EFNB1: variants seen among roughly 807,000 people sequenced by gnomAD.
The protein encoded by EFNB1 is ephrin B1.
Under a neutral mutation model 18.1 loss-of-function variants are expected in EFNB1, and 1 was observed. The observed-to-expected ratio is 0.06, with a 90% confidence interval of 0.02 to 0.26. EFNB1 has a LOEUF of 0.26. EFNB1 is among the 10% of genes least tolerant of loss of function. EFNB1 has a pLI of 1.00. For missense variants in EFNB1, 221 were observed against 301.8 expected, an observed-to-expected ratio of 0.73 and a Z score of 1.98; for synonymous variants, 131 against 127.5, an observed-to-expected ratio of 1.03 and a Z score of -0.19.
intron 1 of EFNB1, among the ~76,000 whole-genome samples, chrX:68,835,491 A>G (rs780262399): frequency 2.7e-5 from 3 of 111,140 alleles, no homozygotes; most frequent in Non-Finnish European, 5.7e-5. Flanking sequence ...CTAGTGTTCT[A>G]CCTAGCTTTG....
At chrX:68,835,360 G>C (rs970577683) in intron 1 of EFNB1, among the ~76,000 whole-genome samples, 2 of 111,496 alleles carry the variant, frequency 1.8e-5, no homozygotes, top group African/African-American at 3.3e-5. Flanking sequence ...GTCCTAGGGT[G>C]GGGGGAAGTA....
At chrX:68,838,331 C>T (rs756430348) in intron 1 of EFNB1, among the ~76,000 whole-genome samples, 37 of 110,438 alleles carry the variant, frequency 3.4e-4, no homozygotes, top group Admixed American at 1.4e-3. Flanking sequence ...CAGCCCCCTG[C>T]GGAAATGCCA....
At position 68,840,389 on chromosome X, in the gene EFNB1, C is replaced by T. The variant is rs1251392015; in HGVS notation, c.776C>T (p.Thr259Met). ...TTCCTGCTCATCATCATCTTCCTGA[C>T]GGTCCTACTACTGAAGCTACGCAAG... ...VIFLLIIIFL[T>M]VLLLKLRKRH... The change falls in exon 5 of 5, where the codon ACG becomes ATG. Residue 259 changes from threonine to methionine, a missense_variant. Coordinates refer to ENST00000204961, the MANE Select transcript of EFNB1 (RefSeq NM_004429.5). 11 of 1,210,560 alleles carry T rather than the reference C, an allele frequency of 9.1e-6. No homozygotes were observed. The highest frequency in any genetic ancestry group is 4.4e-5 in the Admixed American group (2 of 45,899).
rs939825619 is a variant in EFNB1 at position 68,841,796 on chromosome X, C to T, written c.*1142C>T. ...GAGGCTGCCTGGGGCTGGGCCAGCC[C>T]GCTGTGCACTTTGACCCCAGTTCCT... is the stretch of plus-strand genomic sequence containing the variant. On this transcript the variant is annotated 3_prime_UTR_variant, in exon 5 of 5. Transcript: ENST00000204961. 4 of 113,467 alleles carry T rather than the reference C, an allele frequency of 3.5e-5. No homozygotes were observed. Among genetic ancestry groups the T allele is most frequent in the Admixed American group, 9.2e-5 (1 of 10,848 alleles). 9.4% of individuals were successfully genotyped at this position (113,467 alleles called of 1,213,427 possible). A position where few individuals can be genotyped will look rare whatever the true frequency, so the allele number is the denominator to read the frequency against.
intron 2 of EFNB1, 147 bp downstream of exon 2, chrX:68,839,041 T>C: frequency 2.4e-6 from 2 of 832,608 alleles, no homozygotes; most frequent in Non-Finnish European, 3.4e-6. Flanking sequence ...ACTGGCATGT[T>C]CTCCTCTTAG....
At chrX:68,839,011 G>T in intron 2 of EFNB1, 117 bp downstream of exon 2, 1 of 969,442 alleles carries the variant, frequency 1.0e-6, no homozygotes. Context: ...AGACCCTGCT[G>T]GATCTGATCC....
chrX:68,839,207 G>C (rs1391176316), intron 2 of EFNB1, among the ~76,000 whole-genome samples: 1 of 112,381 alleles, frequency 8.9e-6, no homozygotes, highest in Non-Finnish European at 1.9e-5. Flanking sequence ...GGCCCTTTGG[G>C]ATCAGCCAGC....
At chrX:68,832,751 C>T (rs1169675343) in intron 1 of EFNB1, among the ~76,000 whole-genome samples, 2 of 110,292 alleles carry the variant, frequency 1.8e-5, no homozygotes, top group African/African-American at 3.3e-5. Context: ...GCCCCATGAG[C>T]GCAAGGTGGG....
rs781238120 is a variant in EFNB1, at chrX:68,840,560, A to G, written c.947A>G (p.His316Arg). 2.6e-5 allele frequency: 31 copies of G among 1,211,393 alleles called. No individual in the cohort carries two copies. The highest frequency in any genetic ancestry group is 2.3e-4 in the Middle Eastern group (1 of 4,354). Residue 316 changes from histidine (H) to arginine (R), a missense_variant, in exon 5 of 5, where the codon CAC becomes CGC. Transcript: ENST00000204961. ...ACTACAGAGAACAACTACTGCCCCCACTATGAGAAGGTGAGTGGGGACTAC... is the reference window on the plus strand; with the variant it reads ...ACTACAGAGAACAACTACTGCCCCCGCTATGAGAAGGTGAGTGGGGACTAC... ...LRTTENNYCP[H>R]YEKVSGDYGH...
Position 68,829,550 on chromosome X carries a change from G to A in EFNB1, c.-227G>A, listed in dbSNP as rs2080438112. The A allele has an allele frequency of 4.1e-6, 2 of 490,926 alleles. No homozygotes were observed. Among genetic ancestry groups the A allele is most frequent in the Middle Eastern group, 1.2e-3 (2 of 1,622 alleles). 40.5% of individuals were successfully genotyped at this position (490,926 alleles called of 1,213,427 possible). On this transcript the variant is annotated 5_prime_UTR_variant, in exon 1 of 5. Transcript: ENST00000204961. ...AGAGCCCAGGAGAACGAGCCCTCGGGGGCCGAAGCCCATGCCCGGGTTGGG... is the reference window on the plus strand; with the variant it reads ...AGAGCCCAGGAGAACGAGCCCTCGGAGGCCGAAGCCCATGCCCGGGTTGGG...
chrX:68,831,289 CT>C (rs1449667578), intron 1 of EFNB1, among the ~76,000 whole-genome samples: 1 of 111,019 alleles, frequency 9.0e-6, no homozygotes, highest in East Asian at 2.8e-4. Flanking sequence ...GAGAAGGCAG[CT>C]TTAGTTTTCT....
At chrX:68,833,289 T>C (rs1036970218) in intron 1 of EFNB1, among the ~76,000 whole-genome samples, 6 of 111,595 alleles carry the variant, frequency 5.4e-5, no homozygotes, top group African/African-American at 1.6e-4. Flanking sequence ...TTGTGGCTGA[T>C]TGGCCACAGG....
chrX:68,837,715 C>T (rs1237803052), intron 1 of EFNB1, among the ~76,000 whole-genome samples: 1 of 112,302 alleles, frequency 8.9e-6, no homozygotes, highest in East Asian at 2.8e-4. Flanking sequence ...GGCATTTGTC[C>T]ATCTCCTCTC....
chrX:68,829,666 G>A lies in EFNB1; in HGVS notation c.-111G>A. The A allele has an allele frequency of 8.9e-7, 1 of 1,127,829 alleles. No individual in the cohort carries two copies. Among genetic ancestry groups the A allele is most frequent in the Non-Finnish European group, 1.2e-6 (1 of 847,408 alleles). The allele number at this position is 1,127,829 out of a possible 1,213,427, so 92.9% of individuals were successfully genotyped here. A position where few individuals can be genotyped will look rare whatever the true frequency, so the allele number is the denominator to read the frequency against. On this transcript the variant is annotated 5_prime_UTR_variant, in exon 1 of 5. Transcript: ENST00000204961. The stretch of plus-strand genomic sequence containing the variant: ...GGGGAGCACTTCAAGGCCGGCGGCT[G>A]CGGAGGATGGGCGCCTGAGCGGCTC...
chrX:68,839,009 C>A, intron 2 of EFNB1, 115 bp downstream of exon 2: 1 of 983,746 alleles, frequency 1.0e-6, no homozygotes, highest in East Asian at 3.3e-5. Flanking sequence ...TAAGACCCTG[C>A]TGGATCTGAT....
chrX:68,840,798 T>A lies in EFNB1; in HGVS notation c.*144T>A, dbSNP rs1400986394. On this transcript the variant is annotated 3_prime_UTR_variant, in exon 5 of 5. Coordinates refer to ENST00000204961, the MANE Select transcript of EFNB1 (RefSeq NM_004429.5). ...TCTTGGCTTTTATAATCCCCCTTTT[T>A]CCCTGCCCCCTGGGCTTCGGAGGGG... is the stretch of plus-strand genomic sequence containing the variant. 2.0e-5 allele frequency: 14 copies of A among 696,640 alleles called. No homozygotes were observed. The South Asian group carries it at 3.3e-4, about 17-fold the overall frequency. 57.4% of individuals were successfully genotyped at this position (696,640 alleles called of 1,213,427 possible).
intron 1 of EFNB1, 35 bp from the exon 2 acceptor site, chrX:68,838,582 A>G (rs774333672): frequency 1.7e-6 from 2 of 1,208,922 alleles, no homozygotes; most frequent in Non-Finnish European, 2.2e-6. Flanking sequence ...GCCACCCCCA[A>G]CCCTGAGGCT....
intron 1 of EFNB1, among the ~76,000 whole-genome samples, chrX:68,836,563 A>G (rs1480457684): frequency 8.9e-6 from 1 of 112,046 alleles, no homozygotes; most frequent in African/African-American, 3.2e-5. Flanking sequence ...CTTGGGTATC[A>G]TTTCCCTCCC....
In EFNB1 at chrX:68,840,259, G is replaced by A; in HGVS notation, c.646G>A (p.Glu216Lys). Reference protein sequence around the residue: ...DGKHETVNQEEKSGPGASGGS... With the variant: ...DGKHETVNQEKKSGPGASGGS... The stretch of plus-strand genomic sequence containing the variant: ...TTCCTCAGAGACTGTGAACCAGGAA[G>A]AGAAGAGTGGCCCAGGTGCAAGTGG... Residue 216 changes from glutamate to lysine, a missense_variant, in exon 5 of 5, where the codon GAG (glutamate) becomes AAG (lysine). By Grantham distance (56) the Glu-to-Lys change is moderately conservative (BLOSUM62 1). Transcript: ENST00000204961. 4 of 1,212,065 alleles carry A rather than the reference G, an allele frequency of 3.3e-6. No homozygotes were observed. The highest frequency in any genetic ancestry group is 4.5e-6 in the Non-Finnish European group (4 of 895,607).
Sources: allele counts gnomAD v4.1 joint callset (sites outside exome capture counted in the v4.1 genomes callset), GRCh38; gene constraint gnomAD v4.1.1; transcripts MANE v1.5; gene names NCBI Gene and HGNC (gene_info 2026-07-23, HGNC 2026-07-21).